Variants in PAFAH1B1 observed in about 807,000 individuals in gnomAD.
PAFAH1B1 encodes the protein platelet-activating factor acetylhydrolase IB subunit beta.
Under a neutral mutation model 57.5 loss-of-function variants are expected in PAFAH1B1, and 2 were observed. The observed-to-expected ratio is 0.03, with a 90% CI of 0.01 to 0.11. The LOEUF is 0.11. Ranked by LOEUF, PAFAH1B1 falls within the 10% of genes least tolerant of loss-of-function variation. The pLI is 1.00. For missense variants in PAFAH1B1, 257 were observed against 512.0 expected, an observed-to-expected ratio of 0.50 and a Z score of 4.81; for synonymous variants, 152 against 169.6, an observed-to-expected ratio of 0.90 and a Z score of 0.81.
intron 1 of PAFAH1B1, among the ~76,000 whole-genome samples, chr17:2,616,291 A>T (rs575267855): frequency 1.3e-5 from 2 of 152,312 alleles, no homozygotes; most frequent in East Asian, 3.9e-4. Flanking sequence ...CTACTGCTGG[A>T]GTATGGCAGT....
At chr17:2,630,809 A>G (rs770310038) in intron 1 of PAFAH1B1, among the ~76,000 whole-genome samples, 30 of 152,116 alleles carry the variant, frequency 2.0e-4, no homozygotes, top group Non-Finnish European at 4.3e-4. Context: ...ATATTTTCTT[A>G]TTCTTTTTTC....
chr17:2,630,114 G>A (rs570977640), intron 1 of PAFAH1B1, among the ~76,000 whole-genome samples: 3 of 152,136 alleles, frequency 2.0e-5, no homozygotes, highest in East Asian at 3.9e-4. Context: ...GAGGTACCGC[G>A]GCATTCATCA....
At chr17:2,601,280 A>G (rs2068140957) in intron 1 of PAFAH1B1, among the ~76,000 whole-genome samples, 2 of 151,524 alleles carry the variant, frequency 1.3e-5, no homozygotes. Flanking sequence ...GATTACAGGC[A>G]TCTGTTACCC....
chr17:2,629,073 T>C (rs1459797485), intron 1 of PAFAH1B1, among the ~76,000 whole-genome samples: 3 of 152,196 alleles, frequency 2.0e-5, no homozygotes, highest in African/African-American at 7.2e-5. Context: ...CTGTGTTTTT[T>C]TGTTTGTTTG....
intron 1 of PAFAH1B1, among the ~76,000 whole-genome samples, chr17:2,617,935 C>T (rs1216315229): frequency 2.1e-5 from 3 of 145,646 alleles, no homozygotes; most frequent in African/African-American, 7.7e-5. Context: ...CATCAAAAAA[C>T]GTCTCGGTAT....
chr17:2,659,240 C>T (rs1227691465), intron 2 of PAFAH1B1, among the ~76,000 whole-genome samples: 3 of 145,526 alleles, frequency 2.1e-5, no homozygotes, highest in Admixed American at 6.9e-5. Flanking sequence ...AATAAGACTC[C>T]GTTTCAAAAA....
intron 1 of PAFAH1B1, among the ~76,000 whole-genome samples, chr17:2,611,696 C>A (rs534888619): frequency 6.6e-4 from 100 of 152,202 alleles, no homozygotes; most frequent in African/African-American, 2.3e-3. Flanking sequence ...GAGAGTACGT[C>A]TTTACTCTCT....
intron 2 of PAFAH1B1, among the ~76,000 whole-genome samples, chr17:2,643,076 A>G (rs1388262412): frequency 2.6e-5 from 4 of 151,900 alleles, no homozygotes; most frequent in African/African-American, 9.7e-5. Flanking sequence ...AGCATACTGT[A>G]TATGTTCTTT....
intron 9 of PAFAH1B1, among the ~76,000 whole-genome samples, chr17:2,677,630 A>G (rs1281954048): frequency 1.3e-5 from 2 of 151,650 alleles, no homozygotes; most frequent in African/African-American, 2.4e-5. Context: ...CGAGGCGAGC[A>G]GATCACGAGG....
At chr17:2,629,968 G>A (rs2068535371) in intron 1 of PAFAH1B1, among the ~76,000 whole-genome samples, 1 of 152,092 alleles carries the variant, frequency 6.6e-6, no homozygotes, top group African/African-American at 2.4e-5. Context: ...TTAAATTTAT[G>A]TGAGTCCTTA....
At chr17:2,664,702 C>CTCTCTCTCTCTCTCTCTCTCTCTCTCTCT (rs1597567320) in intron 2 of PAFAH1B1, among the ~76,000 whole-genome samples, 9 of 144,490 alleles carry the variant, frequency 6.2e-5, no homozygotes, top group South Asian at 4.4e-4. Context: ...CTTTCTCTCT[C>CTCTCTCTCTCTCTCTCTCTCTCTCTCTCT]CATCTATAAA....
In PAFAH1B1 at chr17:2,666,001, A is replaced by G. The variant is rs745345800; in HGVS notation, c.118-15A>G. The G allele has an allele frequency of 6.8e-7, 1 of 1,474,862 alleles. No individual in the cohort carries two copies. Among genetic ancestry groups the G allele is most frequent in the Non-Finnish European group, 9.2e-7 (1 of 1,084,644 alleles). The allele number at this position is 1,474,862 out of a possible 1,614,324, so 91.4% of individuals were successfully genotyped here. The stretch of plus-strand genomic sequence containing the variant: ...TTAAGCCATTTTTTAAAAATTCTAA[A>G]TTTATTTTCTCTAGAATGAAGAATT... On this transcript the variant is annotated splice_polypyrimidine_tract_variant and intron_variant, in intron 3 of 10. Coordinates refer to ENST00000397195, the MANE Select transcript of PAFAH1B1 (RefSeq NM_000430.4).
intron 1 of PAFAH1B1, among the ~76,000 whole-genome samples, chr17:2,619,061 C>T (rs977199355): frequency 1.3e-5 from 2 of 151,666 alleles, no homozygotes; most frequent in Non-Finnish European, 2.9e-5. Flanking sequence ...AAGCCAATTT[C>T]AGGGACTTTT....
intron 2 of PAFAH1B1, among the ~76,000 whole-genome samples, chr17:2,642,729 G>A (rs561587654): frequency 1.5e-4 from 23 of 152,114 alleles, no homozygotes; most frequent in Non-Finnish European, 2.9e-4. Flanking sequence ...TCCTGCCCAC[G>A]ACATGATCAT....
intron 2 of PAFAH1B1, among the ~76,000 whole-genome samples, chr17:2,647,910 A>G (rs1454028519): frequency 6.6e-6 from 1 of 151,996 alleles, no homozygotes; most frequent in Non-Finnish European, 1.5e-5. Flanking sequence ...AGGCTGAGGC[A>G]GGAGAATGGG....
chr17:2,665,509 C>A, intron 3 of PAFAH1B1, 53 bp downstream of exon 3: 2 of 1,029,974 alleles, frequency 1.9e-6, no homozygotes, highest in South Asian at 1.3e-5. Flanking sequence ...GATTTTCACT[C>A]AAGTATCTGT....
intron 2 of PAFAH1B1, among the ~76,000 whole-genome samples, chr17:2,656,298 AAATT>A (rs2068935702): frequency 6.6e-6 from 1 of 152,144 alleles, no homozygotes; most frequent in Non-Finnish European, 1.5e-5. Context: ...CTTTAAAAAA[AAATT>A]AACCCATCAT....
At chr17:2,679,392 G>A (rs141760117) in intron 9 of PAFAH1B1, among the ~76,000 whole-genome samples, 1 of 149,812 alleles carries the variant, frequency 6.7e-6, no homozygotes, top group African/African-American at 2.5e-5. Flanking sequence ...TTGGATGGAT[G>A]GATGGATGGA....
At chr17:2,670,051 ACTTGTT>A (rs2069159201) in intron 5 of PAFAH1B1, 106 bp from the exon 6 acceptor site, 1 of 852,526 alleles carries the variant, frequency 1.2e-6, no homozygotes, top group Non-Finnish European at 2.1e-6. Context: ...ATCCTTTGTT[ACTTGTT>A]CGGTTAGTTA....
Sources: allele counts gnomAD v4.1 joint callset (sites outside exome capture counted in the v4.1 genomes callset), GRCh38; gene constraint gnomAD v4.1.1; transcripts MANE v1.5; gene names NCBI Gene and HGNC (gene_info 2026-07-23, HGNC 2026-07-21).